The following ANO3 variants were observed in gnomAD, a reference collection of about 807,000 sequenced individuals.
ANO3 encodes the protein anoctamin 3, also known as anoctamin-3.
ANO3 carries 99 observed loss-of-function variants against 144.8 expected under a neutral mutation model. The observed-to-expected ratio is 0.68, with a 90% confidence interval of 0.58 to 0.81. The LOEUF (loss-of-function observed/expected upper bound fraction) is 0.81. Among genes scored for constraint, ANO3 ranks in the 30% least tolerant of loss-of-function variants. The pLI is 0.00. For missense variants in ANO3, 905 were observed against 1,202.2 expected (o/e 0.75, Z 3.66); for synonymous variants, 414 against 392.6 (o/e 1.05, Z -0.64).
At position 26,441,110 on chromosome 11, in the gene ANO3, T is replaced by G. The variant is rs963822184; in HGVS notation, c.47-808T>G. On this transcript the variant is annotated intron_variant, in intron 1 of 26. Coordinates refer to ENST00000256737, the MANE Select transcript of ANO3 (RefSeq NM_031418.4). ...TTGATCCCTGCTTGCTGCCCAGTTT[T>G]TTTTTTTTTTTTTTTTTTTTTTTTT... is the stretch of plus-strand genomic sequence containing the variant. Among the ~76,000 whole-genome samples the G allele has an allele frequency of 1.7e-4, 17 of 101,500 alleles. No homozygotes were observed. The East Asian group carries it at 4.4e-3, about 26-fold the overall frequency. 66.6% of individuals were successfully genotyped at this position (101,500 alleles called of 152,430 possible).
chr11:26,239,404 TCTA>T (rs1164233102), intron 1 of ANO3, among the ~76,000 whole-genome samples: 2 of 152,142 alleles, frequency 1.3e-5, no homozygotes, highest in Non-Finnish European at 2.9e-5. Context: ...TTCAAAGTTC[TCTA>T]CTATTTATTG....
At chr11:26,453,955 G>A (rs1223062791) in intron 3 of ANO3, among the ~76,000 whole-genome samples, 4 of 152,038 alleles carry the variant, frequency 2.6e-5, no homozygotes, top group African/African-American at 4.8e-5. Flanking sequence ...TGGAAACTGA[G>A]CAACCTGCTC....
chr11:26,256,960 T>C (rs1045537449), intron 1 of ANO3, among the ~76,000 whole-genome samples: 1 of 152,030 alleles, frequency 6.6e-6, no homozygotes, highest in Non-Finnish European at 1.5e-5. Flanking sequence ...CTGCTAAACA[T>C]CCTACAACTC....
intron 14 of ANO3, among the ~76,000 whole-genome samples, chr11:26,567,523 T>A (rs922810856): frequency 6.6e-6 from 1 of 152,014 alleles, no homozygotes; most frequent in African/African-American, 2.4e-5. Flanking sequence ...CTCTCTTACA[T>A]AATAATTTCT....
chr11:26,570,259 T>G (rs1850767922), intron 14 of ANO3, among the ~76,000 whole-genome samples: 1 of 152,102 alleles, frequency 6.6e-6, no homozygotes, highest in African/African-American at 2.4e-5. Flanking sequence ...CACTGGAAAG[T>G]GGTTTCACAT....
At position 26,396,167 on chromosome 11, in the gene ANO3, A is replaced by C. The variant is rs139653037; in HGVS notation, c.47-45751A>C. ...ACTTCTCAAAAGAAGACATTTATGC[A>C]GCCAACAAACATATGAAAGAAAGCT... On this transcript the variant is annotated intron_variant, in intron 1 of 26. Transcript: ENST00000256737. 6.8e-4 allele frequency among the ~76,000 whole-genome samples: 104 copies of C among 152,320 alleles called. 4 individuals are homozygous for C. The East Asian group carries it at 0.019, about 28-fold the overall frequency.
chr11:26,299,900 TCA>T (rs1336364076), intron 1 of ANO3, among the ~76,000 whole-genome samples: 3 of 152,166 alleles, frequency 2.0e-5, no homozygotes, highest in Non-Finnish European at 2.9e-5. Context: ...TCACATTGCT[TCA>T]GTCTTCTCAG....
At chr11:26,326,058 AT>A (rs1374640713) in intron 1 of ANO3, among the ~76,000 whole-genome samples, 2 of 152,124 alleles carry the variant, frequency 1.3e-5, no homozygotes, top group Non-Finnish European at 2.9e-5. Flanking sequence ...CCAAGTGCTG[AT>A]TTTTTTCAGT....
intron 20 of ANO3, among the ~76,000 whole-genome samples, chr11:26,637,281 C>T (rs909781723): frequency 6.6e-6 from 1 of 152,152 alleles, no homozygotes; most frequent in Non-Finnish European, 1.5e-5. Flanking sequence ...GGGTAGCGAA[C>T]CAATCACATG....
intron 1 of ANO3, among the ~76,000 whole-genome samples, chr11:26,207,295 A>C (rs533370708): frequency 1.8e-4 from 28 of 152,232 alleles, no homozygotes; most frequent in Non-Finnish European, 2.9e-4. Flanking sequence ...TCAGTTTCTT[A>C]AATGCATAGT....
At chr11:26,511,035 T>G (rs538445422) in intron 5 of ANO3, among the ~76,000 whole-genome samples, 1 of 152,306 alleles carries the variant, frequency 6.6e-6, no homozygotes, top group Non-Finnish European at 1.5e-5. Context: ...GTTCTTTTAG[T>G]CCACATTCAC....
intron 1 of ANO3, among the ~76,000 whole-genome samples, chr11:26,212,038 T>G (rs1302622046): frequency 1.3e-5 from 2 of 151,930 alleles, no homozygotes; most frequent in Admixed American, 1.3e-4. Context: ...GAGGGGAATA[T>G]CACACACTGG....
intron 1 of ANO3, among the ~76,000 whole-genome samples, chr11:26,406,760 G>T (rs965703206): frequency 7.0e-6 from 1 of 141,882 alleles, no homozygotes; most frequent in Non-Finnish European, 1.5e-5. Context: ...CTAGCATGAT[G>T]ATCTGTATTG....
At chr11:26,374,068 C>T (rs1856337114) in intron 1 of ANO3, among the ~76,000 whole-genome samples, 1 of 152,174 alleles carries the variant, frequency 6.6e-6, no homozygotes, top group South Asian at 2.1e-4. Context: ...TCCTAAGAGA[C>T]ATTACATGCT....
At chr11:26,427,150 A>G (rs1271821584) in intron 1 of ANO3, 1 of 204,680 alleles carries the variant, frequency 4.9e-6, no homozygotes, top group Admixed American at 4.5e-5. Flanking sequence ...AATACCTAAA[A>G]CAAACATGTT....
intron 1 of ANO3, among the ~76,000 whole-genome samples, chr11:26,242,070 T>G (rs1005458580): frequency 1.3e-5 from 2 of 152,180 alleles, no homozygotes; most frequent in African/African-American, 4.8e-5. Flanking sequence ...GGATGTTTTG[T>G]GCAAGGAAAA....
At position 26,553,265 on chromosome 11, in the gene ANO3, G is replaced by A; in HGVS notation, c.1306G>A (p.Ala436Thr). 1 of 1,420,588 alleles carries A rather than the reference G, an allele frequency of 7.0e-7. No homozygotes were observed. Among genetic ancestry groups the A allele is most frequent in the Non-Finnish European group, 9.8e-7 (1 of 1,025,536 alleles). The allele number at this position is 1,420,588 out of a possible 1,614,324, so 88.0% of individuals were successfully genotyped here. A position where few individuals can be genotyped will look rare whatever the true frequency, so the allele number is the denominator to read the frequency against. The change falls in exon 13 of 27, where the codon GCC becomes ACC. Residue 436 changes from alanine (A) to threonine (T), a missense_variant. By Grantham distance (58) the Ala-to-Thr change is moderately conservative. Transcript: ENST00000256737. ...NSQVSQEICKATEVFMCPLCD... is the reference protein window; with the variant it reads ...NSQVSQEICKTTEVFMCPLCD... Reference sequence around the variant, plus strand: ...TTTCTCAAGCCAAGAAATTTGTAAAGCCACTGAAGTCTTTATGTGCCCTCT... The same window carrying A: ...TTTCTCAAGCCAAGAAATTTGTAAAACCACTGAAGTCTTTATGTGCCCTCT...
intron 4 of ANO3, among the ~76,000 whole-genome samples, chr11:26,505,103 A>G (rs146732038): frequency 2.8e-3 from 417 of 151,558 alleles, no homozygotes; most frequent in African/African-American, 9.4e-3. Context: ...AGAGATTACT[A>G]TGGTTTAGAC....
chr11:26,572,325 T>A (rs1850861248), intron 14 of ANO3: 1 of 807,214 alleles, frequency 1.2e-6, no homozygotes, highest in Admixed American at 6.2e-5. Context: ...CCAGTTTTCA[T>A]AGGTTGATCG....
Sources: gnomAD v4.1 joint callset for allele counts (sites outside exome capture counted in the v4.1 genomes callset) on GRCh38, gnomAD v4.1.1 for gene constraint, MANE v1.5 for transcripts, NCBI Gene and HGNC (gene_info 2026-07-23, HGNC 2026-07-21) for gene names.